Variants in CSMD1 observed in about 807,000 individuals in gnomAD.
CSMD1 encodes the protein CUB and sushi domain-containing protein 1.
Under a neutral mutation model 417.5 loss-of-function variants are expected in CSMD1, and 213 were observed. The ratio of observed to expected loss-of-function variants is 0.51; its 90% CI spans 0.46 to 0.57. The LOEUF (loss-of-function observed/expected upper bound fraction) is 0.57, where lower values mean the gene tolerates loss of function less well. Among genes scored for constraint, CSMD1 ranks in the 20% least tolerant of loss-of-function variants. CSMD1 has a pLI of 0.00. For synonymous variants in CSMD1, 2,862 were observed against 1,736.8 expected, an observed-to-expected ratio of 1.65 and a Z score of -16.11; for missense variants, 6,923 against 4,529.7, an observed-to-expected ratio of 1.53 and a Z score of -15.17.
At position 4,540,533 on chromosome 8, in the gene CSMD1, A is replaced by T. The variant is rs1229233699; in HGVS notation, c.302+96809T>A. 2.6e-5 allele frequency among the ~76,000 whole-genome samples: 4 copies of T among 152,292 alleles called. No homozygotes were observed. The East Asian group carries it at 7.7e-4, about 29-fold the overall frequency. ...AGCCTGGGCAACAGAGCGAGACCTC[A>T]TCTGAAAACCTAATGGATGGGAAAG... is the stretch of plus-strand genomic sequence containing the variant. On this transcript the variant is annotated intron_variant, in intron 2 of 69. Coordinates refer to ENST00000635120, the MANE Select transcript of CSMD1 (RefSeq NM_033225.6).
At chr8:3,823,181 C>G (rs1357172592) in intron 5 of CSMD1, among the ~76,000 whole-genome samples, 1 of 152,120 alleles carries the variant, frequency 6.6e-6, no homozygotes, top group African/African-American at 2.4e-5. Context: ...TTTACCACAT[C>G]AGAGAACTCA....
chr8:4,488,515 T>A (rs116632088), intron 2 of CSMD1, among the ~76,000 whole-genome samples: 1 of 152,110 alleles, frequency 6.6e-6, no homozygotes, highest in African/African-American at 2.4e-5. Context: ...GAATCAAACA[T>A]TGGATTTCTA....
At chr8:3,721,959 T>C (rs961154597) in intron 6 of CSMD1, among the ~76,000 whole-genome samples, 1 of 152,094 alleles carries the variant, frequency 6.6e-6, no homozygotes, top group African/African-American at 2.4e-5. Flanking sequence ...GCCGTCCTCA[T>C]CCCTCACCTC....
intron 3 of CSMD1, among the ~76,000 whole-genome samples, chr8:4,045,485 C>A (rs916832394): frequency 6.6e-6 from 1 of 152,176 alleles, no homozygotes. Context: ...AGAACACTGT[C>A]CCCAGTTGGG....
At chr8:3,750,372 G>T (rs754626012) in intron 6 of CSMD1, among the ~76,000 whole-genome samples, 4 of 150,186 alleles carry the variant, frequency 2.7e-5, no homozygotes, top group Non-Finnish European at 5.9e-5. Context: ...TTAAATATAC[G>T]ATATATATGA....
chr8:3,666,116 G>T (rs1287360098), intron 7 of CSMD1, among the ~76,000 whole-genome samples: 1 of 152,148 alleles, frequency 6.6e-6, no homozygotes, highest in Non-Finnish European at 1.5e-5. Flanking sequence ...GGCTGGTCTT[G>T]AACTTCTGAC....
At chr8:3,500,157 G>A (rs574307211) in intron 10 of CSMD1, among the ~76,000 whole-genome samples, 2 of 152,242 alleles carry the variant, frequency 1.3e-5, no homozygotes, top group South Asian at 4.2e-4. Flanking sequence ...CTGCCATCTT[G>A]AGTTTCCATG....
intron 15 of CSMD1, among the ~76,000 whole-genome samples, chr8:3,401,781 G>C (rs539457676): frequency 2.0e-5 from 3 of 152,110 alleles, no homozygotes; most frequent in Admixed American, 6.5e-5. Context: ...TAATTGACCA[G>C]AACCCATGAC....
intron 3 of CSMD1, among the ~76,000 whole-genome samples, chr8:4,241,483 G>A (rs1406747116): frequency 6.6e-6 from 1 of 152,162 alleles, no homozygotes; most frequent in Non-Finnish European, 1.5e-5. Context: ...TTCATGCAGT[G>A]AGGATGTGTC....
chr8:3,645,488 G>C (rs1797529960), intron 7 of CSMD1, among the ~76,000 whole-genome samples: 1 of 152,192 alleles, frequency 6.6e-6, no homozygotes, highest in Non-Finnish European at 1.5e-5. Context: ...TGGGACAGTG[G>C]AAGAAATGGG....
At chr8:4,942,446 A>G (rs4288394) in intron 1 of CSMD1, among the ~76,000 whole-genome samples, 77,577 of 151,676 alleles carry the variant, frequency 0.51, 21,060 homozygotes, top group East Asian at 0.79. Flanking sequence ...CCAACCAACC[A>G]TCATGACAAA....
intron 6 of CSMD1, among the ~76,000 whole-genome samples, chr8:3,746,538 T>C (rs1363180130): frequency 6.6e-6 from 1 of 152,222 alleles, no homozygotes; most frequent in African/African-American, 2.4e-5. Context: ...GTGCACTGAA[T>C]TAAAATTCTG....
intron 2 of CSMD1, among the ~76,000 whole-genome samples, chr8:4,500,926 A>C (rs1802229556): frequency 6.6e-6 from 1 of 152,142 alleles, no homozygotes; most frequent in Non-Finnish European, 1.5e-5. Flanking sequence ...GTGATCTTTT[A>C]CAACTTGAGA....
At chr8:3,870,416 A>T (rs75321981) in intron 5 of CSMD1, among the ~76,000 whole-genome samples, 147 of 152,274 alleles carry the variant, frequency 9.7e-4, no homozygotes, top group African/African-American at 3.4e-3. Context: ...CACTCCATGA[A>T]ACATTTATAT....
At chr8:3,964,106 T>A (rs1326730997) in intron 5 of CSMD1, among the ~76,000 whole-genome samples, 1 of 152,180 alleles carries the variant, frequency 6.6e-6, no homozygotes, top group African/African-American at 2.4e-5. Flanking sequence ...AAAAAGAACC[T>A]GCTTTCAGAA....
chr8:3,315,178 T>G (rs1270308826), intron 23 of CSMD1, among the ~76,000 whole-genome samples: 1 of 152,208 alleles, frequency 6.6e-6, no homozygotes, highest in Non-Finnish European at 1.5e-5. Flanking sequence ...AGGGACAGTG[T>G]TTTCACACCA....
chr8:4,228,150 G>T (rs971041477), intron 3 of CSMD1, among the ~76,000 whole-genome samples: 1 of 151,738 alleles, frequency 6.6e-6, no homozygotes, highest in African/African-American at 2.4e-5. Flanking sequence ...TGCATTAAAT[G>T]CCACAGAAGG....
intron 2 of CSMD1, among the ~76,000 whole-genome samples, chr8:4,631,171 G>C (rs965187544): frequency 6.6e-6 from 1 of 152,058 alleles, no homozygotes; most frequent in African/African-American, 2.4e-5. Context: ...GACCAGCCTG[G>C]CCAATATGGT....
At chr8:4,702,577 TAGG>T (rs1377382536) in intron 1 of CSMD1, among the ~76,000 whole-genome samples, 1 of 152,206 alleles carries the variant, frequency 6.6e-6, no homozygotes, top group Non-Finnish European at 1.5e-5. Context: ...AAAGGTTCCG[TAGG>T]AGAACACACT....
Sources: allele counts gnomAD v4.1 joint callset (sites outside exome capture counted in the v4.1 genomes callset), GRCh38; gene constraint gnomAD v4.1.1; transcripts MANE v1.5; gene names NCBI Gene and HGNC (gene_info 2026-07-23, HGNC 2026-07-21).